Variants in CTTNBP2 observed in about 807,000 individuals in gnomAD.
CTTNBP2 encodes the protein cortactin binding protein 2.
A neutral mutation model predicts 156.9 loss-of-function variants in CTTNBP2; 108 were observed. The observed-to-expected ratio is 0.69, with a 90% CI of 0.59 to 0.81. CTTNBP2 has a LOEUF of 0.81. Among genes scored for constraint, CTTNBP2 ranks in the 30% least tolerant of loss-of-function variants. CTTNBP2 has a pLI of 0.00. For synonymous variants in CTTNBP2, 767 were observed against 751.8 expected (o/e 1.02, Z -0.33); for missense variants, 1,924 against 2,035.4 (o/e 0.95, Z 1.05).
chr7:117,771,812 T>C (rs1456249410), intron 8 of CTTNBP2, among the ~76,000 whole-genome samples: 4 of 152,192 alleles, frequency 2.6e-5, no homozygotes, highest in Non-Finnish European at 5.9e-5. Flanking sequence ...ATAAAGTACA[T>C]GCTCTCTAAG....
chr7:117,828,500 G>A (rs889019090), intron 2 of CTTNBP2, among the ~76,000 whole-genome samples: 1 of 152,182 alleles, frequency 6.6e-6, no homozygotes, highest in Non-Finnish European at 1.5e-5. Flanking sequence ...TGCAGTAACA[G>A]GGTAAGAATC....
At chr7:117,759,039 C>CAA in intron 10 of CTTNBP2, among the ~76,000 whole-genome samples, 1 of 152,284 alleles carries the variant, frequency 6.6e-6, no homozygotes. Flanking sequence ...GAGTAATACT[C>CAA]CATGTGTGGA....
chr7:117,717,996 T>C (rs985689325), intron 22 of CTTNBP2, 22 bp downstream of exon 22: 2 of 1,394,520 alleles, frequency 1.4e-6, no homozygotes, highest in African/African-American at 1.4e-5. Flanking sequence ...TTTGTTCACT[T>C]TGGGGAGAAA....
At chr7:117,726,159 A>T (rs1795084771) in intron 17 of CTTNBP2, among the ~76,000 whole-genome samples, 1 of 152,254 alleles carries the variant, frequency 6.6e-6, no homozygotes, top group Non-Finnish European at 1.5e-5. Flanking sequence ...GCAGCACTCA[A>T]TGCCAATTAA....
intron 2 of CTTNBP2, among the ~76,000 whole-genome samples, chr7:117,847,738 C>T (rs1802675218): frequency 6.6e-6 from 1 of 151,368 alleles, no homozygotes; most frequent in South Asian, 2.1e-4. Flanking sequence ...GACATCAACC[C>T]TCATTTTATT....
chr7:117,862,387 A>G (rs914026435), intron 1 of CTTNBP2, among the ~76,000 whole-genome samples: 4 of 152,010 alleles, frequency 2.6e-5, no homozygotes, highest in African/African-American at 9.7e-5. Context: ...TCTCTTGTAG[A>G]TTTCTTCCCT....
At chr7:117,734,850 G>T in intron 16 of CTTNBP2, 63 bp downstream of exon 16, 1 of 1,343,306 alleles carries the variant, frequency 7.4e-7, no homozygotes, top group Non-Finnish European at 1.0e-6. Context: ...AACTCAAGCT[G>T]AGATCTCCTG....
chr7:117,769,738 A>C (rs2116713011), intron 8 of CTTNBP2, among the ~76,000 whole-genome samples: 1 of 152,358 alleles, frequency 6.6e-6, no homozygotes. Flanking sequence ...CTAATTAGAA[A>C]CTTAAATAGA....
chr7:117,838,966 G>GC (rs1221355221), intron 2 of CTTNBP2, among the ~76,000 whole-genome samples: 5 of 73,960 alleles, frequency 6.8e-5, no homozygotes, highest in African/African-American at 2.9e-4. Context: ...CATTGCGGGG[G>GC]CGGGGGGGGG....
At chr7:117,848,758 A>C (rs895699583) in intron 2 of CTTNBP2, among the ~76,000 whole-genome samples, 1 of 152,220 alleles carries the variant, frequency 6.6e-6, no homozygotes, top group African/African-American at 2.4e-5. Flanking sequence ...AAAAGGTCTT[A>C]TTATTAAAAG....
chr7:117,717,094 A>G (rs1377411338), intron 22 of CTTNBP2, among the ~76,000 whole-genome samples: 1 of 152,196 alleles, frequency 6.6e-6, no homozygotes, highest in Non-Finnish European at 1.5e-5. Flanking sequence ...CTAATGAGTG[A>G]GACATTTCTC....
Position 117,719,552 on chromosome 7 carries a change from C to A in CTTNBP2, c.4596G>T (p.Lys1532Asn), listed in dbSNP as rs963992792. The change falls in exon 21 of 23, where the codon AAG becomes AAT. Residue 1532 changes from lysine (K) to asparagine (N), a missense_variant. By Grantham distance (94) the Lys-to-Asn change is moderately conservative. Coordinates refer to ENST00000160373, the MANE Select transcript of CTTNBP2 (RefSeq NM_033427.3). ...LGSDDEADLV[K>N]ELQSMCSSKS... ...TGCTGGAGCACATGCTCTGAAGTTCCTTGACAAGATCTGCTTCGTCATCTG... is the reference window on the plus strand; with the variant it reads ...TGCTGGAGCACATGCTCTGAAGTTCATTGACAAGATCTGCTTCGTCATCTG... 3 of 1,614,022 alleles carry A rather than the reference C, an allele frequency of 1.9e-6. No individual in the cohort carries two copies. In the East Asian group the frequency reaches 6.7e-5, roughly 36 times the overall value.
rs1262391688 is a variant in CTTNBP2, at chr7:117,792,821, A to G, written c.415-40T>C. ...CAGGAAAACCCTGATTAATATACAG[A>G]ATTTTCTTTTCACCAAGGAAATGCT... On this transcript the variant is annotated intron_variant, in intron 3 of 22. Coordinates refer to ENST00000160373, the MANE Select transcript of CTTNBP2 (RefSeq NM_033427.3). This position sits in a 1 kb window ranked among gnomAD's most constrained non-coding sequence, Gnocchi z 4.2. 1 of 1,357,678 alleles carries G rather than the reference A, an allele frequency of 7.4e-7. No homozygotes were observed. Among genetic ancestry groups the G allele is most frequent in the African/African-American group, 1.5e-5 (1 of 68,094 alleles). The allele number at this position is 1,357,678 out of a possible 1,614,324, so 84.1% of individuals were successfully genotyped here.
intron 19 of CTTNBP2, 69 bp downstream of exon 19, chr7:117,724,478 T>G: frequency 7.6e-7 from 1 of 1,320,990 alleles, no homozygotes; most frequent in Non-Finnish European, 1.0e-6. Context: ...TGAAAGCATA[T>G]TTGCTTTCAG....
chr7:117,860,350 CT>C (rs1019359881), intron 2 of CTTNBP2, among the ~76,000 whole-genome samples: 22 of 147,564 alleles, frequency 1.5e-4, no homozygotes, highest in African/African-American at 2.0e-4. Context: ...TTTCTTTTTT[CT>C]TTTTTTTTTG....
chr7:117,783,318 C>T (rs2116812128), intron 5 of CTTNBP2, among the ~76,000 whole-genome samples: 1 of 152,230 alleles, frequency 6.6e-6, no homozygotes, highest in Middle Eastern at 3.4e-3. Flanking sequence ...AATAATGTTC[C>T]TGGATGGAGA....
chr7:117,764,404 T>A (rs1470944107), intron 9 of CTTNBP2, among the ~76,000 whole-genome samples: 3 of 152,150 alleles, frequency 2.0e-5, no homozygotes, highest in African/African-American at 7.2e-5. Flanking sequence ...ATGCTGCTAG[T>A]TCACCTGGAA....
intron 2 of CTTNBP2, among the ~76,000 whole-genome samples, chr7:117,834,114 G>A (rs1453651173): frequency 1.3e-5 from 2 of 151,422 alleles, no homozygotes; most frequent in Non-Finnish European, 2.9e-5. Context: ...GAGTGCAGTG[G>A]CACAATCTTG....
chr7:117,773,648 A>AACACACAC (rs71528190), intron 8 of CTTNBP2, among the ~76,000 whole-genome samples: 1,799 of 95,060 alleles, frequency 0.019, 25 homozygotes, highest in East Asian at 0.034. Flanking sequence ...GCTTAGAGTT[A>AACACACAC]ACACACACAC....
Sources: gnomAD v4.1 joint callset for allele counts (sites outside exome capture counted in the v4.1 genomes callset) on GRCh38, gnomAD v4.1.1 for gene constraint, Gnocchi (gnomAD v3.1) non-coding constraint, MANE v1.5 for transcripts, NCBI Gene and HGNC (gene_info 2026-07-23, HGNC 2026-07-21) for gene names.